Variants in KANK1 observed in about 807,000 individuals in gnomAD.
KANK1 encodes KN motif and ankyrin repeat domain-containing protein 1.
KANK1 carries 109 observed loss-of-function variants against 106.2 expected under a neutral mutation model. The ratio of observed to expected loss-of-function variants is 1.03; its 90% confidence interval spans 0.88 to 1.20. KANK1 has a LOEUF of 1.20. Ranked by LOEUF, KANK1 falls within the 50% of genes most tolerant of loss-of-function variation. The pLI is 0.00. For synonymous variants in KANK1, 873 were observed against 652.2 expected (o/e 1.34, Z -5.16); for missense variants, 2,399 against 1,710.7 (o/e 1.40, Z -7.10).
intron 1 of KANK1, among the ~76,000 whole-genome samples, chr9:580,001 C>G (rs553120629): frequency 6.6e-6 from 1 of 152,160 alleles, no homozygotes; most frequent in South Asian, 2.1e-4. Flanking sequence ...GTCTCACAGA[C>G]TTCAAGAATG....
chr9:588,795 C>G (rs1415238064), intron 1 of KANK1, among the ~76,000 whole-genome samples: 1 of 152,018 alleles, frequency 6.6e-6, no homozygotes, highest in Non-Finnish European at 1.5e-5. Context: ...CTCAATTTCC[C>G]CGTAAGTAAA....
chr9:732,200 A>C, intron 5 of KANK1, 178 bp from the exon 6 acceptor site: 4 of 631,998 alleles, frequency 6.3e-6, no homozygotes, highest in Non-Finnish European at 5.4e-6. Context: ...AGTTTAAGTT[A>C]GAGTCCATTC....
At chr9:691,560 C>T (rs189400981) in intron 2 of KANK1, among the ~76,000 whole-genome samples, 7 of 148,430 alleles carry the variant, frequency 4.7e-5, no homozygotes, top group African/African-American at 7.4e-5. Flanking sequence ...TGCACCCAGC[C>T]GATATTAAAT....
intron 1 of KANK1, among the ~76,000 whole-genome samples, chr9:578,107 A>G (rs1248630458): frequency 6.6e-6 from 1 of 152,194 alleles, no homozygotes; most frequent in Non-Finnish European, 1.5e-5. Flanking sequence ...TGAACTGGCC[A>G]TACTGGGGCT....
In KANK1 at chr9:727,720, G is replaced by A. The variant is rs1427624196; in HGVS notation, c.2699-2331G>A. Among the ~76,000 whole-genome samples, 3 of 146,766 alleles carry A rather than the reference G, an allele frequency of 2.0e-5. No individual in the cohort carries two copies. The South Asian group carries it at 6.6e-4, about 32-fold the overall frequency. On this transcript the variant is annotated intron_variant, in intron 3 of 11. Transcript: ENST00000382297. ...TGTGTGTGTGTGTGTGTGTGTGTATGTGTGTGTGTGGTAATGTATTTTAAT... is the reference window on the plus strand; with the variant it reads ...TGTGTGTGTGTGTGTGTGTGTGTATATGTGTGTGTGGTAATGTATTTTAAT...
intron 2 of KANK1, among the ~76,000 whole-genome samples, chr9:688,217 T>C (rs996276468): frequency 1.3e-5 from 2 of 152,228 alleles, no homozygotes; most frequent in African/African-American, 4.8e-5. Flanking sequence ...CAGATGGCTT[T>C]TACTGTGTCA....
chr9:744,982 G>T, intron 11 of KANK1, 191 bp from the exon 12 acceptor site: 1 of 1,487,508 alleles, frequency 6.7e-7, no homozygotes, highest in Non-Finnish European at 8.9e-7. Context: ...CAGGACAGCC[G>T]GACATAGCAC....
intron 1 of KANK1, among the ~76,000 whole-genome samples, chr9:560,747 A>G (rs533248245): frequency 1.3e-5 from 2 of 151,866 alleles, no homozygotes; most frequent in South Asian, 2.1e-4. Context: ...TTGGGAGGGA[A>G]GCTAACCAAC....
At chr9:569,918 G>C (rs1172924615) in intron 1 of KANK1, among the ~76,000 whole-genome samples, 1 of 151,498 alleles carries the variant, frequency 6.6e-6, no homozygotes, top group African/African-American at 2.4e-5. Flanking sequence ...ATCAGATTCC[G>C]TAACACTTGA....
chr9:630,727 C>A (rs1276512011), intron 1 of KANK1, among the ~76,000 whole-genome samples: 5 of 151,946 alleles, frequency 3.3e-5, no homozygotes, highest in Non-Finnish European at 5.9e-5. Flanking sequence ...CATGGTAAAA[C>A]CCTGTGTCTA....
At position 710,795 on chromosome 9, in the gene KANK1, C is replaced by T. The variant is rs756552288; in HGVS notation, c.38-9C>T. The T allele has an allele frequency of 1.3e-6, 2 of 1,561,490 alleles. No individual in the cohort carries two copies. The highest frequency in any genetic ancestry group is 1.4e-5 in the African/African-American group (1 of 72,524). On this transcript the variant is annotated splice_polypyrimidine_tract_variant and intron_variant, in intron 2 of 11. Coordinates refer to ENST00000382297, the MANE Select transcript of KANK1 (RefSeq NM_015158.5). Reference sequence around the variant, plus strand: ...ATGTCATTATAATATTCTTTTCTCCCTCTTCTAGGAAAAGCAGGTGATATT... The same window carrying T: ...ATGTCATTATAATATTCTTTTCTCCTTCTTCTAGGAAAAGCAGGTGATATT...
chr9:482,106 T>A (rs569107663), intron 3 of KANK1, among the ~76,000 whole-genome samples: 1 of 152,312 alleles, frequency 6.6e-6, no homozygotes, highest in African/African-American at 2.4e-5. Flanking sequence ...TTCCCACAGC[T>A]GGGCCCTACC....
intron 1 of KANK1, among the ~76,000 whole-genome samples, chr9:609,003 C>G (rs1829975988): frequency 6.6e-6 from 1 of 152,138 alleles, no homozygotes; most frequent in Admixed American, 6.5e-5. Flanking sequence ...TGATATCCTT[C>G]CTTGTTCAGT....
intron 1 of KANK1, chr9:539,533 T>G (rs1274746989): frequency 1.3e-5 from 2 of 152,208 alleles, no homozygotes; most frequent in Non-Finnish European, 2.9e-5. Flanking sequence ...CTCTGTCACC[T>G]GAGCTAGAGT....
At chr9:625,940 C>A (rs1834239959) in intron 1 of KANK1, among the ~76,000 whole-genome samples, 1 of 152,096 alleles carries the variant, frequency 6.6e-6, no homozygotes, top group Admixed American at 6.6e-5. Context: ...TTATTCCCAC[C>A]TTCAGTCACT....
chr9:731,830 A>G (rs1486967014), intron 5 of KANK1: 1 of 154,668 alleles, frequency 6.5e-6, no homozygotes, highest in African/African-American at 2.4e-5. Context: ...AATTGAATCA[A>G]ATCAATGAAT....
intron 1 of KANK1, among the ~76,000 whole-genome samples, chr9:618,424 T>A (rs543768483): frequency 5.3e-5 from 8 of 152,234 alleles, no homozygotes; most frequent in African/African-American, 1.9e-4. Flanking sequence ...GCCAGGCTGG[T>A]CTGAAACTCC....
intron 1 of KANK1, among the ~76,000 whole-genome samples, chr9:590,680 A>C (rs1456786111): frequency 6.7e-6 from 1 of 149,280 alleles, no homozygotes; most frequent in Non-Finnish European, 1.5e-5. Context: ...AAGATTCTTA[A>C]ATACAGAAAT....
intron 1 of KANK1, among the ~76,000 whole-genome samples, chr9:614,521 C>CT (rs1831336013): frequency 6.6e-6 from 1 of 152,150 alleles, no homozygotes; most frequent in Admixed American, 6.5e-5. Context: ...GTGGCAATCT[C>CT]TTAACAGTTG....
Sources: gnomAD v4.1 joint callset for allele counts (sites outside exome capture counted in the v4.1 genomes callset) on GRCh38, gnomAD v4.1.1 for gene constraint, MANE v1.5 for transcripts, NCBI Gene and HGNC (gene_info 2026-07-23, HGNC 2026-07-21) for gene names.